Variants in ATP2B1 observed in about 807,000 individuals in gnomAD.
ATP2B1 encodes the protein ATPase plasma membrane Ca2+ transporting 1, also known as plasma membrane calcium-transporting ATPase 1.
ATP2B1 carries 14 observed loss-of-function variants against 124.2 expected under a neutral mutation model. That is an observed-to-expected ratio of 0.11 (90% CI 0.07 to 0.18). The LOEUF (loss-of-function observed/expected upper bound fraction) is 0.18. Ranked by LOEUF, ATP2B1 falls within the 10% of genes least tolerant of loss-of-function variation. The probability of loss-of-function intolerance (pLI) is 1.00; values close to 1 mark genes in which losing one functional copy is unlikely to be tolerated. For synonymous variants in ATP2B1, 449 were observed against 492.4 expected, an observed-to-expected ratio of 0.91 and a Z score of 1.17; for missense variants, 763 against 1,466.1, an observed-to-expected ratio of 0.52 and a Z score of 7.83.
At chr12:89,591,400 A>G (rs1023246649) in intron 20 of ATP2B1, 105 bp from the exon 21 acceptor site, 7 of 987,862 alleles carry the variant, frequency 7.1e-6, no homozygotes, top group African/African-American at 1.6e-5. Context: ...TGAGTGAATC[A>G]TATTTGCATG....
chr12:89,662,305 G>A (rs1447271250), intron 1 of ATP2B1, among the ~76,000 whole-genome samples: 2 of 151,992 alleles, frequency 1.3e-5, no homozygotes, highest in Admixed American at 1.3e-4. Flanking sequence ...ATAATTTACT[G>A]TAAACTTAAA....
intron 1 of ATP2B1, among the ~76,000 whole-genome samples, chr12:89,695,067 A>AAAGAAAAG (rs1890985251): frequency 1.4e-5 from 2 of 146,080 alleles, no homozygotes; most frequent in Admixed American, 6.9e-5. Context: ...TCAAAAAAAA[A>AAAGAAAAG]AAAAGAAAAG....
chr12:89,685,925 G>A (rs886971115), intron 1 of ATP2B1, among the ~76,000 whole-genome samples: 1 of 152,152 alleles, frequency 6.6e-6, no homozygotes, highest in East Asian at 1.9e-4. Context: ...CAAGGAGAGA[G>A]GCCTCAGGAG....
At chr12:89,624,550 G>C (rs1353792840) in intron 8 of ATP2B1, among the ~76,000 whole-genome samples, 153 bp from the exon 9 acceptor site, 2 of 152,174 alleles carry the variant, frequency 1.3e-5, no homozygotes, top group Non-Finnish European at 2.9e-5. Flanking sequence ...CTTATAACTT[G>C]ACATTGTCAG....
chr12:89,707,894 T>TA (rs1450759818), intron 1 of ATP2B1, among the ~76,000 whole-genome samples: 2 of 152,192 alleles, frequency 1.3e-5, no homozygotes, highest in Non-Finnish European at 2.9e-5. Context: ...GCGGTCCTCC[T>TA]ACAGACTCCT....
chr12:89,592,393 C>T (rs543794176), intron 20 of ATP2B1, among the ~76,000 whole-genome samples: 2 of 151,976 alleles, frequency 1.3e-5, no homozygotes, highest in Non-Finnish European at 2.9e-5. Flanking sequence ...GATGCGGTCA[C>T]CAAATTCATC....
intron 5 of ATP2B1, among the ~76,000 whole-genome samples, chr12:89,634,097 T>C (rs1161459202): frequency 1.3e-5 from 2 of 152,226 alleles, no homozygotes; most frequent in South Asian, 2.1e-4. Flanking sequence ...GCTATCACAA[T>C]GAGGTTACTA....
rs1027817395 is a variant in ATP2B1 at position 89,609,922 on chromosome 12, T to C, written c.2442+15A>G. On this transcript the variant is annotated intron_variant, in intron 15 of 20. Coordinates refer to ENST00000428670, the MANE Select transcript of ATP2B1 (RefSeq NM_001366521.1). ...AGTAAATTACGTTTGGATATTTGAA[T>C]GAGTAAATTCTTACCATTGCAAATC... 2 of 1,603,238 alleles carry C rather than the reference T, an allele frequency of 1.2e-6. No homozygotes were observed. Among genetic ancestry groups the C allele is most frequent in the Non-Finnish European group, 1.7e-6 (2 of 1,172,122 alleles).
intron 1 of ATP2B1, among the ~76,000 whole-genome samples, chr12:89,666,995 C>CA (rs199545154): frequency 0.011 from 1,693 of 151,594 alleles, 26 homozygotes; most frequent in African/African-American, 0.037. Flanking sequence ...CAAACAAAAA[C>CA]AAAAAAAACA....
At chr12:89,616,613 C>T (rs1365320375) in intron 12 of ATP2B1, among the ~76,000 whole-genome samples, 189 bp downstream of exon 12, 1 of 151,980 alleles carries the variant, frequency 6.6e-6, no homozygotes, top group African/African-American at 2.4e-5. Context: ...CAAAGAGACA[C>T]TGTCTTTAAA....
chr12:89,619,937 AG>A, intron 11 of ATP2B1, 61 bp downstream of exon 11: 1 of 1,581,444 alleles, frequency 6.3e-7, no homozygotes. Flanking sequence ...ATAACAACAC[AG>A]TAGATACTCC....
rs1161944465 is a variant in ATP2B1 at position 89,705,668 on chromosome 12, G to A, written c.-222+2928C>T. 2.0e-5 allele frequency among the ~76,000 whole-genome samples: 3 copies of A among 152,114 alleles called. No homozygotes were observed. In the East Asian group the frequency reaches 5.8e-4, roughly 29 times the overall value. On this transcript the variant is annotated intron_variant, in intron 1 of 20. Coordinates refer to ENST00000428670, the MANE Select transcript of ATP2B1 (RefSeq NM_001366521.1). ...CTCTGAAATCAAGGAATCTATGAAA[G>A]TATATATAACAACATATAATTACTC...
rs375081382 is a variant in ATP2B1, at chr12:89,604,144, T to A, written c.2634+11A>T. On this transcript the variant is annotated intron_variant, in intron 16 of 20. Coordinates refer to ENST00000428670, the MANE Select transcript of ATP2B1 (RefSeq NM_001366521.1). ...AAGTAAACAAGTTTTGATAGACAAG[T>A]CATCACCTACTTGAGTAATGCAGGC... The A allele has an allele frequency of 2.1e-5, 34 of 1,610,812 alleles. No homozygotes were observed. In the African/African-American group the frequency reaches 3.3e-4, roughly 16 times the overall value.
chr12:89,655,976 G>C lies in ATP2B1; in HGVS notation c.-90C>G. ...TCCAAGATGAAAATCTTTTAAGTAT[G>C]AAAATCTTTCTTAAACCAAACACTC... On this transcript the variant is annotated 5_prime_UTR_variant, in exon 2 of 21. Transcript: ENST00000428670. 1 of 1,356,900 alleles carries C rather than the reference G, an allele frequency of 7.4e-7. No individual in the cohort carries two copies. The highest frequency in any genetic ancestry group is 1.5e-5 in the South Asian group (1 of 68,010). The allele number at this position is 1,356,900 out of a possible 1,614,324, so 84.1% of individuals were successfully genotyped here.
chr12:89,634,897 A>T lies in ATP2B1; in HGVS notation c.668T>A (p.Leu223His). The change falls in exon 5 of 21, where the codon CTT (leucine) becomes CAT (histidine). Residue 223 changes from leucine (L) to histidine (H), a missense_variant. Leu to His is a moderately conservative substitution (Grantham distance 99, BLOSUM62 -3). Transcript: ENST00000428670. ...AATAAGTATGCCGTCAGCTGGAAGAAGATCACCTAAAATAAAAAGCATGAT... is the reference window on the plus strand; with the variant it reads ...AATAAGTATGCCGTCAGCTGGAAGATGATCACCTAAAATAAAAAGCATGAT... ...GDIAQVKYGD[L>H]LPADGILIQG... 1 of 1,611,770 alleles carries T rather than the reference A, an allele frequency of 6.2e-7. No individual in the cohort carries two copies. Among genetic ancestry groups the T allele is most frequent in the Non-Finnish European group, 8.5e-7 (1 of 1,179,234 alleles).
intron 11 of ATP2B1, among the ~76,000 whole-genome samples, chr12:89,618,708 C>T (rs1201601545): frequency 1.3e-5 from 2 of 152,150 alleles, no homozygotes; most frequent in Admixed American, 1.3e-4. Context: ...GTTTCCCCAC[C>T]TCGAAGTTCT....
intron 1 of ATP2B1, among the ~76,000 whole-genome samples, chr12:89,696,752 ATTCATAGCCCTTTTCATCTCT>A (rs1891180891): frequency 6.6e-6 from 1 of 152,212 alleles, no homozygotes; most frequent in Non-Finnish European, 1.5e-5. Flanking sequence ...CTTTAAAACT[ATTCATAGCCCTTTTCATCTCT>A]TTCTATAGAG....
chr12:89,615,449 T>A (rs1878793494), intron 12 of ATP2B1, among the ~76,000 whole-genome samples: 1 of 152,188 alleles, frequency 6.6e-6, no homozygotes, highest in East Asian at 1.9e-4. Flanking sequence ...TGTCCATGTA[T>A]CTATCATTCT....
At chr12:89,618,152 T>A (rs1031654144) in intron 11 of ATP2B1, among the ~76,000 whole-genome samples, 1 of 152,206 alleles carries the variant, frequency 6.6e-6, no homozygotes, top group Non-Finnish European at 1.5e-5. Context: ...AATCACAGCT[T>A]TGATGATTCT....
Sources: allele counts gnomAD v4.1 joint callset (sites outside exome capture counted in the v4.1 genomes callset), GRCh38; gene constraint gnomAD v4.1.1; transcripts MANE v1.5; gene names NCBI Gene and HGNC (gene_info 2026-07-23, HGNC 2026-07-21).